MMP26: variants seen among roughly 807,000 people sequenced by gnomAD.
The protein encoded by MMP26 is matrix metalloproteinase-26.
Under a neutral mutation model 31.0 loss-of-function variants are expected in MMP26, and 33 were observed. That is an observed-to-expected ratio of 1.06 (90% CI 0.81 to 1.42). The LOEUF is 1.42. MMP26 is among the 40% of genes most tolerant of loss of function. The pLI, the probability that MMP26 is intolerant of heterozygous loss-of-function variation, is 0.00. For synonymous variants in MMP26, 122 were observed against 114.9 expected (o/e 1.06, Z -0.40); for missense variants, 347 against 316.1 (o/e 1.10, Z -0.74).
At chr11:4,827,721 AG>A (rs1849596639) in intron 2 of MMP26, among the ~76,000 whole-genome samples, 1 of 152,008 alleles carries the variant, frequency 6.6e-6, no homozygotes, top group Non-Finnish European at 1.5e-5. Context: ...TAGGGTAGCA[AG>A]TCAAATCAGA....
rs763493767 is a variant in MMP26 at position 4,915,605 on chromosome 11, C to G, written c.-144-72463C>G. ...CATGCGCTCCAGCCCAGGGATGCCA[C>G]TCAGCAGGAAGGTAGCAGAAACGCT... On this transcript the variant is annotated intron_variant, in intron 2 of 7. Coordinates refer to ENST00000380390, the MANE Select transcript of MMP26 (RefSeq NM_021801.5). 3.1e-6 allele frequency: 5 copies of G among 1,614,000 alleles called. No individual in the cohort carries two copies. In the East Asian group the frequency reaches 6.7e-5, roughly 22 times the overall value.
At chr11:4,751,060 G>C (rs891607754) in intron 1 of MMP26, among the ~76,000 whole-genome samples, 1 of 151,950 alleles carries the variant, frequency 6.6e-6, no homozygotes, top group African/African-American at 2.4e-5. Flanking sequence ...AGATAATATA[G>C]GCAGAAAAAT....
chr11:4,989,731 C>T lies in MMP26; in HGVS notation c.183C>T (p.Phe61=), dbSNP rs762473518. The T allele has an allele frequency of 2.5e-5, 40 of 1,614,028 alleles. No individual in the cohort carries two copies. The highest frequency in any genetic ancestry group is 3.3e-5 in the Non-Finnish European group (39 of 1,180,032). ...CACAAACACAGCTCCTGCAACAATT[C>T]CATCGGAATGGGACAGACCTACTTG... ...QETQTQLLQQ[F]HRNGTDLLDM... The change falls in exon 4 of 8, where the codon TTC becomes TTT. Residue 61 remains phenylalanine, a synonymous_variant. Transcript: ENST00000380390.
intron 2 of MMP26, chr11:4,803,346 G>T: frequency 1.1e-6 from 1 of 937,952 alleles, no homozygotes; most frequent in Non-Finnish European, 1.6e-6. Context: ...CTGACTTAGT[G>T]ATAATAAGTA....
At chr11:4,941,796 G>A (rs1187859430) in intron 2 of MMP26, among the ~76,000 whole-genome samples, 14 of 151,016 alleles carry the variant, frequency 9.3e-5, no homozygotes, top group Non-Finnish European at 1.5e-4. Context: ...TTTTTTTAAA[G>A]TAAAACCTGC....
At chr11:4,831,248 C>T (rs1849642561) in intron 2 of MMP26, among the ~76,000 whole-genome samples, 1 of 152,156 alleles carries the variant, frequency 6.6e-6, no homozygotes, top group African/African-American at 2.4e-5. Context: ...ATCCTCTCTG[C>T]ACCTCTTGCT....
At chr11:4,744,962 A>C (rs1848360982) in intron 1 of MMP26, among the ~76,000 whole-genome samples, 1 of 152,206 alleles carries the variant, frequency 6.6e-6, no homozygotes. Flanking sequence ...TATGCAATAC[A>C]ATATAATTAA....
chr11:4,730,116 C>G (rs10836541), intron 1 of MMP26, among the ~76,000 whole-genome samples: 45,635 of 151,898 alleles, frequency 0.3, 7,446 homozygotes, highest in African/African-American at 0.42. Context: ...AATTTTTATT[C>G]CCCAAAGGAC....
rs765713477 is a variant in MMP26, at chr11:4,992,116, C to A, written c.748C>A (p.His250Asn). The change falls in exon 7 of 8, where the codon CAT (histidine) becomes AAT (asparagine). Residue 250 changes from histidine (H) to asparagine (N), a missense_variant. Physicochemically the swap from His to Asn is moderately conservative, Grantham distance 68 (BLOSUM62 1). Coordinates refer to ENST00000380390, the MANE Select transcript of MMP26 (RefSeq NM_021801.5). ...TGCCGATGATATCCAAAGGATCCAGCATTTGTATGGTCTGTGCTGCTTAAG... is the reference window on the plus strand; with the variant it reads ...TGCCGATGATATCCAAAGGATCCAGAATTTGTATGGTCTGTGCTGCTTAAG... ...LSADDIQRIQ[H>N]LYGEKCSSDI... 146 of 1,613,112 alleles carry A rather than the reference C, an allele frequency of 9.1e-5. No homozygotes were observed. In the East Asian group the frequency reaches 3.2e-3, roughly 35 times the overall value.
At chr11:4,804,423 C>G in intron 2 of MMP26, 2 of 1,417,390 alleles carry the variant, frequency 1.4e-6, no homozygotes, top group Non-Finnish European at 2.0e-6. Flanking sequence ...AATCTACTCT[C>G]TGCAGATGAT....
At chr11:4,718,209 C>T (rs1478202237) in intron 1 of MMP26, among the ~76,000 whole-genome samples, 3 of 152,146 alleles carry the variant, frequency 2.0e-5, no homozygotes, top group Non-Finnish European at 2.9e-5. Context: ...TAAAAGCTAG[C>T]GTAATTCAAT....
chr11:4,814,989 A>G (rs1849401463), intron 2 of MMP26, among the ~76,000 whole-genome samples: 1 of 152,190 alleles, frequency 6.6e-6, no homozygotes, highest in Non-Finnish European at 1.5e-5. Flanking sequence ...CATTTTAGGA[A>G]GGCATGAGAC....
chr11:4,888,994 A>G (rs2570591), intron 2 of MMP26, among the ~76,000 whole-genome samples: 89,699 of 151,982 alleles, frequency 0.59, 28,120 homozygotes, highest in East Asian at 0.93. Context: ...ATATGTACTT[A>G]TCCTTGTCAT....
intron 2 of MMP26, among the ~76,000 whole-genome samples, chr11:4,831,086 G>A (rs115539128): frequency 1.3e-5 from 2 of 152,318 alleles, no homozygotes; most frequent in Middle Eastern, 3.4e-3. Context: ...GCAGCATACA[G>A]AGTAGCTGCT....
chr11:4,728,965 T>G (rs929952493), intron 1 of MMP26, among the ~76,000 whole-genome samples: 6 of 151,726 alleles, frequency 4.0e-5, no homozygotes, highest in Admixed American at 3.9e-4. Context: ...AATATTTATA[T>G]AATTATATAT....
chr11:4,785,390 C>T (rs947238748), intron 2 of MMP26, among the ~76,000 whole-genome samples: 1 of 152,012 alleles, frequency 6.6e-6, no homozygotes, highest in Non-Finnish European at 1.5e-5. Flanking sequence ...AGTTAAAGTT[C>T]CTTGAACACA....
At chr11:4,845,952 T>C (rs1295230574) in intron 2 of MMP26, among the ~76,000 whole-genome samples, 1 of 152,050 alleles carries the variant, frequency 6.6e-6, no homozygotes, top group Admixed American at 6.6e-5. Flanking sequence ...GCTGCCAAGG[T>C]GGGAATGTAA....
chr11:4,887,519 T>C (rs1850560490), intron 2 of MMP26, among the ~76,000 whole-genome samples: 1 of 152,166 alleles, frequency 6.6e-6, no homozygotes, highest in Non-Finnish European at 1.5e-5. Flanking sequence ...TATGTTTCCA[T>C]TTTCTTGAAC....
chr11:4,808,618 C>T (rs1001758681), intron 2 of MMP26, among the ~76,000 whole-genome samples: 4 of 152,106 alleles, frequency 2.6e-5, no homozygotes, highest in African/African-American at 7.2e-5. Flanking sequence ...AGCCCCTTTA[C>T]AAACCAGTTT....
Sources: gnomAD v4.1 joint callset for allele counts (sites outside exome capture counted in the v4.1 genomes callset) on GRCh38, gnomAD v4.1.1 for gene constraint, MANE v1.5 for transcripts, NCBI Gene and HGNC (gene_info 2026-07-23, HGNC 2026-07-21) for gene names.